Variants in PKIA observed in about 807,000 individuals in gnomAD.
PKIA encodes the protein PKI-alpha.
In PKIA, 4 loss-of-function variants were observed where a neutral mutation model predicts 7.6. That is an observed-to-expected ratio of 0.52 (90% CI 0.26 to 1.20). The LOEUF (loss-of-function observed/expected upper bound fraction) is 1.20, where lower values mean the gene tolerates loss of function less well. Ranked by LOEUF, PKIA falls within the 50% of genes most tolerant of loss-of-function variation. The pLI, the probability that PKIA is intolerant of heterozygous loss-of-function variation, is 0.13. For missense variants in PKIA, 73 were observed against 86.2 expected (o/e 0.85, Z 0.61); for synonymous variants, 21 against 30.7 (o/e 0.68, Z 1.04).
intron 2 of PKIA, among the ~76,000 whole-genome samples, chr8:78,576,546 A>G (rs1290904910): frequency 6.6e-6 from 1 of 152,036 alleles, no homozygotes; most frequent in Non-Finnish European, 1.5e-5. Context: ...CTAACGTTGT[A>G]TCCATTAGCC....
chr8:78,574,865 T>G (rs998898952), intron 2 of PKIA, among the ~76,000 whole-genome samples: 2 of 151,954 alleles, frequency 1.3e-5, no homozygotes, highest in Non-Finnish European at 1.5e-5. Context: ...TTTTTTAAAA[T>G]TTCTACACAG....
intron 1 of PKIA, among the ~76,000 whole-genome samples, chr8:78,530,956 G>A (rs898439514): frequency 2.6e-5 from 4 of 152,028 alleles, no homozygotes; most frequent in Non-Finnish European, 5.9e-5. Context: ...GTTTGTTAAT[G>A]CTTCTGAAAT....
At chr8:78,595,442 C>T (rs1016951552) in intron 2 of PKIA, among the ~76,000 whole-genome samples, 4 of 152,036 alleles carry the variant, frequency 2.6e-5, no homozygotes, top group African/African-American at 9.7e-5. Flanking sequence ...TTTCACCTTC[C>T]AACTTTTATT....
chr8:78,539,315 A>G (rs1806614442), intron 1 of PKIA, among the ~76,000 whole-genome samples: 1 of 152,142 alleles, frequency 6.6e-6, no homozygotes, highest in African/African-American at 2.4e-5. Context: ...GGAAGAAATC[A>G]TCTTCAGGAA....
chr8:78,592,258 GTTCC>G lies in PKIA; in HGVS notation c.-27-6096_-27-6093del, dbSNP rs1312171171. On this transcript the variant is annotated intron_variant, in intron 2 of 3. Coordinates refer to ENST00000396418, the MANE Select transcript of PKIA (RefSeq NM_006823.4). ...TTTGTTTAAAAATGTAATTGTATGT[GTTCC>G]TTCATTCACATATTTGTTGTGTGCT... Among the ~76,000 whole-genome samples, 10 of 152,056 alleles carry G rather than the reference GTTCC, an allele frequency of 6.6e-5. No individual in the cohort carries two copies. The East Asian group carries it at 1.3e-3, about 20-fold the overall frequency.
chr8:78,588,574 A>C (rs1563591413), intron 2 of PKIA, among the ~76,000 whole-genome samples: 1 of 152,198 alleles, frequency 6.6e-6, no homozygotes, highest in African/African-American at 2.4e-5. Flanking sequence ...CTATTGCAAG[A>C]GTGAATAATT....
At chr8:78,543,422 C>T (rs991469873) in intron 1 of PKIA, among the ~76,000 whole-genome samples, 2 of 152,162 alleles carry the variant, frequency 1.3e-5, no homozygotes, top group African/African-American at 2.4e-5. Flanking sequence ...GGAGTACAAA[C>T]TAAAGTTTCA....
chr8:78,547,476 A>T (rs1806857871), intron 1 of PKIA, among the ~76,000 whole-genome samples: 1 of 152,180 alleles, frequency 6.6e-6, no homozygotes, highest in Non-Finnish European at 1.5e-5. Flanking sequence ...CCATTGAAAA[A>T]TATATGACTT....
intron 3 of PKIA, 109 bp downstream of exon 3, chr8:78,598,644 A>C: frequency 1.2e-6 from 1 of 815,190 alleles, no homozygotes; most frequent in South Asian, 1.7e-5. Flanking sequence ...TAATGTAAAG[A>C]GTTTTAAACA....
rs558583928 is a variant in PKIA, at chr8:78,518,199, G to T, written c.-157+1731G>T. Among the ~76,000 whole-genome samples the T allele has an allele frequency of 1.4e-3, 213 of 152,292 alleles. 1 individual carries two copies. Among genetic ancestry groups the T allele is most frequent in the Non-Finnish European group, 2.3e-3 (159 of 68,008 alleles). On this transcript the variant is annotated intron_variant, in intron 1 of 3. Coordinates refer to ENST00000396418, the MANE Select transcript of PKIA (RefSeq NM_006823.4). ...TATGAGGCATAGGGTGAGGGTGTAG[G>T]GGGTGGGCAAAGCCCACTACTGAGT...
Position 78,604,874 on chromosome 8 carries a change from A to T in PKIA, c.*3053A>T, listed in dbSNP as rs1351007687. On this transcript the variant is annotated 3_prime_UTR_variant, in exon 4 of 4. Coordinates refer to ENST00000396418, the MANE Select transcript of PKIA (RefSeq NM_006823.4). ...AAATAAATAACAGACATTGAAATCC[A>T]ATTCTTAGATAATACTCCCAGAACA... The T allele has an allele frequency of 2.0e-5, 3 of 152,056 alleles. No homozygotes were observed. Among genetic ancestry groups the T allele is most frequent in the Non-Finnish European group, 2.9e-5 (2 of 67,978 alleles). The allele number at this position is 152,056 out of a possible 1,614,324, so 9.4% of individuals were successfully genotyped here.
intron 1 of PKIA, among the ~76,000 whole-genome samples, chr8:78,526,928 A>G (rs1226999706): frequency 1.3e-5 from 2 of 152,022 alleles, no homozygotes; most frequent in Admixed American, 1.3e-4. Flanking sequence ...TTTTTCTTAT[A>G]TGGATTTCTG....
At chr8:78,562,068 C>T (rs918093848) in intron 1 of PKIA, among the ~76,000 whole-genome samples, 1 of 152,154 alleles carries the variant, frequency 6.6e-6, no homozygotes, top group Non-Finnish European at 1.5e-5. Context: ...ACTATCTACC[C>T]TTTTTCTACA....
At chr8:78,576,024 G>A (rs1329980476) in intron 2 of PKIA, among the ~76,000 whole-genome samples, 3 of 151,956 alleles carry the variant, frequency 2.0e-5, no homozygotes, top group Non-Finnish European at 2.9e-5. Context: ...CTGTTTGCAC[G>A]CATCCCTGGA....
intron 1 of PKIA, among the ~76,000 whole-genome samples, chr8:78,524,020 A>G (rs1176228274): frequency 1.1e-5 from 1 of 90,522 alleles, no homozygotes; most frequent in African/African-American, 6.0e-5. Flanking sequence ...ATATATATAA[A>G]CGTTTATATA....
chr8:78,573,452 G>A (rs1056229113), intron 2 of PKIA, among the ~76,000 whole-genome samples: 4 of 151,916 alleles, frequency 2.6e-5, no homozygotes, highest in Admixed American at 2.6e-4. Flanking sequence ...GGAGGTGAAT[G>A]GAGCATGTGA....
intron 1 of PKIA, among the ~76,000 whole-genome samples, chr8:78,565,626 C>G (rs868358373): frequency 6.6e-6 from 1 of 151,834 alleles, no homozygotes; most frequent in South Asian, 2.1e-4. Flanking sequence ...TTCTCAGTAG[C>G]CCTTTATTGA....
At chr8:78,588,500 A>G (rs78295766) in intron 2 of PKIA, among the ~76,000 whole-genome samples, 1,972 of 152,162 alleles carry the variant, frequency 0.013, 48 homozygotes, top group African/African-American at 0.044. Context: ...ATAAACAACA[A>G]CAACAACAAA....
intron 2 of PKIA, among the ~76,000 whole-genome samples, chr8:78,582,455 C>G (rs145947870): frequency 6.6e-6 from 1 of 152,102 alleles, no homozygotes; most frequent in East Asian, 1.9e-4. Context: ...ATCACGAGAA[C>G]AGCATGGGGG....
Sources: gnomAD v4.1 joint callset for allele counts (sites outside exome capture counted in the v4.1 genomes callset) on GRCh38, gnomAD v4.1.1 for gene constraint, MANE v1.5 for transcripts, NCBI Gene and HGNC (gene_info 2026-07-23, HGNC 2026-07-21) for gene names.